Variants in ADAM7 observed in about 807,000 individuals in gnomAD.
ADAM7 encodes ADAM metallopeptidase domain 7.
ADAM7 carries 97 observed loss-of-function variants against 102.9 expected under a neutral mutation model. That is an observed-to-expected ratio of 0.94 (90% CI 0.80 to 1.12). ADAM7 has a LOEUF of 1.12. ADAM7 is among the 50% of genes most tolerant of loss of function. The pLI is 0.00. For synonymous variants in ADAM7, 334 were observed against 304.4 expected (o/e 1.10, Z -1.01); for missense variants, 991 against 908.7 (o/e 1.09, Z -1.16).
chr8:24,487,577 G>A (rs569211184), intron 11 of ADAM7, among the ~76,000 whole-genome samples: 11 of 151,420 alleles, frequency 7.3e-5, no homozygotes, highest in Non-Finnish European at 1.2e-4. Flanking sequence ...GGAGGTTGCC[G>A]TGAGCCGAGA....
At chr8:24,491,016 A>C in intron 13 of ADAM7, 128 bp downstream of exon 13, 2 of 859,030 alleles carry the variant, frequency 2.3e-6, no homozygotes, top group Non-Finnish European at 3.7e-6. Context: ...GCAAGTACCC[A>C]ACAGAGATTC....
Position 24,452,114 on chromosome 8 carries a change from A to C in ADAM7, c.233+4852A>C, listed in dbSNP as rs1278305987. Among the ~76,000 whole-genome samples the C allele has an allele frequency of 3.3e-5, 5 of 151,476 alleles. No individual in the cohort carries two copies. In the East Asian group the frequency reaches 9.7e-4, roughly 29 times the overall value. On this transcript the variant is annotated intron_variant, in intron 3 of 21. Transcript: ENST00000175238. ...ATAGGTGTGGTGTGGTGCTGAAAAA[A>C]ATGTATATTCTGTTGATTTGGGGTG...
At position 24,482,227 on chromosome 8, in the gene ADAM7, T is replaced by C. The variant is rs199786542; in HGVS notation, c.791T>C (p.Ile264Thr). 1.3e-4 allele frequency: 204 copies of C among 1,610,154 alleles called. No individual in the cohort carries two copies. The highest frequency in any genetic ancestry group is 1.7e-4 in the Middle Eastern group (1 of 6,036). The change falls in exon 9 of 22, where the codon ATA becomes ACA. Residue 264 changes from isoleucine to threonine, a missense_variant. Ile to Thr is a moderately conservative substitution (Grantham distance 89, BLOSUM62 -1). Coordinates refer to ENST00000175238, the MANE Select transcript of ADAM7 (RefSeq NM_003817.4). ...HEDKIELYSN[I>T]ETTLLRFSFW... ...GATAAAATAGAACTATATTCAAATA[T>C]AGAAACTACCTTATTGCGTTTTTCA...
chr8:24,470,050 A>T (rs1361248588), intron 7 of ADAM7, among the ~76,000 whole-genome samples: 1 of 152,174 alleles, frequency 6.6e-6, no homozygotes, highest in Non-Finnish European at 1.5e-5. Flanking sequence ...ATTTTCCAGA[A>T]GGAAAGGAAT....
At chr8:24,503,807 A>T (rs911857537) in intron 20 of ADAM7, among the ~76,000 whole-genome samples, 1 of 152,048 alleles carries the variant, frequency 6.6e-6, no homozygotes, top group East Asian at 1.9e-4. Context: ...GTTCTCACTC[A>T]TAAGTGGGAG....
intron 18 of ADAM7, among the ~76,000 whole-genome samples, 199 bp downstream of exon 18, chr8:24,500,455 T>A (rs758915912): frequency 1.3e-5 from 2 of 152,158 alleles, no homozygotes; most frequent in African/African-American, 2.4e-5. Flanking sequence ...GCCAATGTAG[T>A]CTCTTCTAGC....
intron 1 of ADAM7, among the ~76,000 whole-genome samples, 174 bp from the exon 2 acceptor site, chr8:24,442,299 G>A (rs1818402242): frequency 6.6e-6 from 1 of 152,160 alleles, no homozygotes; most frequent in Non-Finnish European, 1.5e-5. Context: ...CTCCTGATTT[G>A]TAAATATCAG....
chr8:24,501,713 A>G, intron 20 of ADAM7, 137 bp downstream of exon 20: 1 of 567,044 alleles, frequency 1.8e-6, no homozygotes, highest in Non-Finnish European at 3.0e-6. Flanking sequence ...TTCCACACAC[A>G]TGAAGCTTTG....
At position 24,475,162 on chromosome 8, in the gene ADAM7, A is replaced by G. The variant is rs192540536; in HGVS notation, c.634-1271A>G. ...CATCATTAAATAAAGATTTGGCAATAAAAGTGCAAAGCTCATACCTAACCA... is the reference window on the plus strand; with the variant it reads ...CATCATTAAATAAAGATTTGGCAATGAAAGTGCAAAGCTCATACCTAACCA... On this transcript the variant is annotated intron_variant, in intron 7 of 21. Transcript: ENST00000175238. 2.4e-3 allele frequency among the ~76,000 whole-genome samples: 358 copies of G among 152,298 alleles called. 1 individual carries two copies. The highest frequency in any genetic ancestry group is 4.0e-3 in the Non-Finnish European group (269 of 68,020).
At chr8:24,500,059 A>G (rs914354595) in intron 17 of ADAM7, 119 bp from the exon 18 acceptor site, 11 of 702,006 alleles carry the variant, frequency 1.6e-5, no homozygotes, top group Non-Finnish European at 2.2e-5. Flanking sequence ...ACGAATAAAA[A>G]GTTCGCGCTT....
At position 24,487,246 on chromosome 8, in the gene ADAM7, C is replaced by A. The variant is rs756829384; in HGVS notation, c.1020C>A (p.Asn340Lys). The A allele has an allele frequency of 6.2e-7, 1 of 1,613,858 alleles. No individual in the cohort carries two copies. Among genetic ancestry groups the A allele is most frequent in the South Asian group, 1.1e-5 (1 of 91,080 alleles). ...GAATGGCACATCAACTGGGGCATAA[C>A]CTTGGGATGCAGCATGACGAGTTCC... ...ANRMAHQLGH[N>K]LGMQHDEFPC... is the part of the protein sequence containing the mutation. The change falls in exon 11 of 22, where the codon AAC (asparagine) becomes AAA (lysine). Residue 340 changes from asparagine (N) to lysine (K), a missense_variant. By Grantham distance (94) the Asn-to-Lys change is moderately conservative. Transcript: ENST00000175238.
At chr8:24,502,397 G>GA (rs1448886096) in intron 20 of ADAM7, among the ~76,000 whole-genome samples, 2 of 151,236 alleles carry the variant, frequency 1.3e-5, no homozygotes, top group African/African-American at 4.9e-5. Context: ...AATATATGCA[G>GA]AAAAAAAGAA....
intron 3 of ADAM7, among the ~76,000 whole-genome samples, chr8:24,453,019 T>C (rs1389842447): frequency 1.6e-4 from 24 of 151,078 alleles, no homozygotes; most frequent in African/African-American, 5.9e-4. Flanking sequence ...CCGAGAGATC[T>C]GCTGTTAGTC....
chr8:24,492,757 T>G lies in ADAM7; in HGVS notation c.1655+160T>G, dbSNP rs370156939. Among the ~76,000 whole-genome samples, 4 of 152,298 alleles carry G rather than the reference T, an allele frequency of 2.6e-5. No homozygotes were observed. In the East Asian group the frequency reaches 7.7e-4, roughly 29 times the overall value. ...GTGTCCTGATTAAAATTATGCTAAT[T>G]CAAATTACTAATAAAAAAATATTCC... is the stretch of plus-strand genomic sequence containing the variant. On this transcript the variant is annotated intron_variant, in intron 15 of 21. Coordinates refer to ENST00000175238, the MANE Select transcript of ADAM7 (RefSeq NM_003817.4).
chr8:24,500,278 C>A, intron 18 of ADAM7, 22 bp downstream of exon 18: 1 of 1,590,958 alleles, frequency 6.3e-7, no homozygotes, highest in Non-Finnish European at 8.6e-7. Flanking sequence ...AAAACAAAAT[C>A]TTTCATATAT....
intron 3 of ADAM7, among the ~76,000 whole-genome samples, chr8:24,458,434 GT>G (rs1227687723): frequency 6.6e-6 from 1 of 151,994 alleles, no homozygotes; most frequent in African/African-American, 2.4e-5. Flanking sequence ...AAGCTGAATT[GT>G]CTTTATTATT....
intron 13 of ADAM7, 37 bp from the exon 14 acceptor site, chr8:24,491,866 G>A (rs1820370284): frequency 1.3e-6 from 2 of 1,509,332 alleles, no homozygotes; most frequent in Non-Finnish European, 8.9e-7. Flanking sequence ...CTACCTAAAT[G>A]TATCCAGGAT....
rs191863541 is a variant in ADAM7 at position 24,488,357 on chromosome 8, C to T, written c.1092-802C>T. On this transcript the variant is annotated intron_variant, in intron 11 of 21. Transcript: ENST00000175238. ...AGTTTTGCACATCTTTGAATCCCTTCGGAGCAGGTATACATAAAGCATTGT... is the reference window on the plus strand; with the variant it reads ...AGTTTTGCACATCTTTGAATCCCTTTGGAGCAGGTATACATAAAGCATTGT... Among the ~76,000 whole-genome samples the T allele has an allele frequency of 1.9e-3, 288 of 152,232 alleles. 5 individuals carry two copies. Among genetic ancestry groups the T allele is most frequent in the East Asian group, 1.7e-3 (9 of 5,174 alleles).
chr8:24,497,601 A>G (rs529884619), intron 16 of ADAM7, among the ~76,000 whole-genome samples: 1 of 152,318 alleles, frequency 6.6e-6, no homozygotes, highest in African/African-American at 2.4e-5. Flanking sequence ...TAAAAAATTC[A>G]TTACAGATTT....
Sources: gnomAD v4.1 joint callset for allele counts (sites outside exome capture counted in the v4.1 genomes callset) on GRCh38, gnomAD v4.1.1 for gene constraint, MANE v1.5 for transcripts, NCBI Gene and HGNC (gene_info 2026-07-23, HGNC 2026-07-21) for gene names.